PAX8: variants seen among roughly 807,000 people sequenced by gnomAD.
The protein encoded by PAX8 is paired box 8, also known as paired box protein Pax-8.
Under a neutral mutation model 52.4 loss-of-function variants are expected in PAX8, and 15 were observed. The observed-to-expected ratio is 0.29, with a 90% CI of 0.19 to 0.44. PAX8 has a LOEUF of 0.44. Ranked by LOEUF, PAX8 falls within the 20% of genes least tolerant of loss-of-function variation. PAX8 has a pLI of 1.00. For missense variants in PAX8, 554 were observed against 602.5 expected (o/e 0.92, Z 0.84); for synonymous variants, 284 against 249.7 (o/e 1.14, Z -1.29).
chr2:113,258,992 C>A (rs537866736), intron 2 of PAX8, among the ~76,000 whole-genome samples: 42 of 152,174 alleles, frequency 2.8e-4, no homozygotes, highest in African/African-American at 9.9e-4. Flanking sequence ...AAGCTGGAGA[C>A]CTTGGGAGCA....
rs200817352 is a variant in PAX8 at position 113,220,126 on chromosome 2, G to C, written c.1242C>G (p.Ser414Arg). The change falls in exon 11 of 12, where the codon AGC becomes AGG. Residue 414 changes from serine to arginine, a missense_variant. By Grantham distance (110) the Ser-to-Arg change is moderately radical (BLOSUM62 -1). This residue lies in a region of PAX8 where 445 missense variants were observed against 409.9 expected (regional missense o/e 1.09). Transcript: ENST00000429538. ...TGGAGTTGGGGAAGCGCCAGGCCTC[G>C]CTGTAGGAGGAGTAGGGGGTGTGGC... is the stretch of plus-strand genomic sequence containing the variant. Reference protein sequence around the residue: ...AYGHTPYSSYSEAWRFPNSSL... With the variant: ...AYGHTPYSSYREAWRFPNSSL... 2 of 1,613,916 alleles carry C rather than the reference G, an allele frequency of 1.2e-6. No homozygotes were observed. The highest frequency in any genetic ancestry group is 1.1e-5 in the South Asian group (1 of 91,060).
intron 2 of PAX8, among the ~76,000 whole-genome samples, chr2:113,256,740 A>G (rs1178867674): frequency 6.6e-6 from 1 of 151,910 alleles, no homozygotes; most frequent in African/African-American, 2.4e-5. Flanking sequence ...AGGTTCATGT[A>G]TTCATTTATT....
At position 113,216,049 on chromosome 2, in the gene PAX8, G is replaced by T. The variant is rs2104519412; in HGVS notation, c.*2484C>A. 2 of 221,338 alleles carry T rather than the reference G, an allele frequency of 9.0e-6. No individual in the cohort carries two copies. Among genetic ancestry groups the T allele is most frequent in the Admixed American group, 5.8e-5 (1 of 17,324 alleles). 13.7% of individuals were successfully genotyped at this position (221,338 alleles called of 1,614,324 possible). On this transcript the variant is annotated 3_prime_UTR_variant, in exon 12 of 12. Transcript: ENST00000429538. ...CCCTTTATTGGTTGTGAGTTGGAAA[G>T]GGTCTGCCGGGGGTACAGAGTGTCC...
At chr2:113,221,791 T>G (rs1689285043) in intron 10 of PAX8, among the ~76,000 whole-genome samples, 1 of 152,090 alleles carries the variant, frequency 6.6e-6, no homozygotes, top group African/African-American at 2.4e-5. Flanking sequence ...AGAAGAGAGA[T>G]GAAGAGGAGC....
intron 9 of PAX8, among the ~76,000 whole-genome samples, chr2:113,229,950 A>G (rs943489342): frequency 1.3e-5 from 2 of 152,154 alleles, no homozygotes; most frequent in Admixed American, 6.5e-5. Flanking sequence ...TGAGAGAGAG[A>G]GAAAGGGAAC....
intron 2 of PAX8, among the ~76,000 whole-genome samples, chr2:113,247,210 C>T (rs563335029): frequency 6.6e-6 from 1 of 152,340 alleles, no homozygotes; most frequent in Admixed American, 6.5e-5. Flanking sequence ...TCACAATCCC[C>T]TATTTTCTTC....
At chr2:113,250,514 A>T (rs185285526) in intron 2 of PAX8, among the ~76,000 whole-genome samples, 2 of 152,256 alleles carry the variant, frequency 1.3e-5, no homozygotes, top group Non-Finnish European at 2.9e-5. Context: ...TAAGTTTCTG[A>T]ATCAGTAGGT....
At chr2:113,268,785 A>C (rs1249427104) in intron 2 of PAX8, 7 of 152,438 alleles carry the variant, frequency 4.6e-5, no homozygotes, top group Non-Finnish European at 1.0e-4. Flanking sequence ...CTTTGCAGAC[A>C]TGGCATGGCC....
At chr2:113,271,015 G>C (rs1481421829) in intron 2 of PAX8, 1 of 152,198 alleles carries the variant, frequency 6.6e-6, no homozygotes, top group Non-Finnish European at 1.5e-5. Flanking sequence ...TTTCTTTCAA[G>C]CTAACGTTCT....
Position 113,244,550 on chromosome 2 carries a change from ACCACCTTGGGGGTGG to A in PAX8, c.251_265del (p.Ala84_Val88del). 6.2e-7 allele frequency: 1 copy of A among 1,614,032 alleles called. No individual in the cohort carries two copies. Among genetic ancestry groups the A allele is most frequent in the East Asian group, 2.2e-5 (1 of 44,872 alleles). ...GCGTTTGTAGTCCCCAATCTTCTCC[ACCACCTTGGGGGTGG>A]CCACCTTGGGCTTGGAGCCCCCTAT... On this transcript the variant is annotated inframe_deletion, in exon 4 of 12. Transcript: ENST00000429538.
intron 10 of PAX8, among the ~76,000 whole-genome samples, chr2:113,224,368 G>A (rs537960881): frequency 1.3e-5 from 2 of 152,144 alleles, no homozygotes; most frequent in African/African-American, 4.8e-5. Flanking sequence ...CCAACATGGT[G>A]AAACTCCGTC....
chr2:113,263,924 AAAG>A (rs1692870289), intron 2 of PAX8, among the ~76,000 whole-genome samples: 1 of 152,230 alleles, frequency 6.6e-6, no homozygotes, highest in Admixed American at 6.5e-5. Flanking sequence ...TAAAGCCAAG[AAAG>A]AAGAAGAAAA....
intron 7 of PAX8, chr2:113,237,699 T>A (rs1172059418): frequency 1.3e-5 from 2 of 152,162 alleles, no homozygotes; most frequent in Non-Finnish European, 2.9e-5. Context: ...TACCTCATCC[T>A]CACCATGGCC....
chr2:113,269,718 A>G (rs1693336902), intron 2 of PAX8: 1 of 152,246 alleles, frequency 6.6e-6, no homozygotes, highest in Non-Finnish European at 1.5e-5. Flanking sequence ...GAGAGAAGAA[A>G]GCAGAAGGTG....
In PAX8 at chr2:113,246,903, G is replaced by A. The variant is rs1044684868; in HGVS notation, c.42C>T (p.Asn14=). The A allele has an allele frequency of 1.9e-6, 3 of 1,613,814 alleles. No individual in the cohort carries two copies. In the African/African-American group the frequency reaches 4.0e-5, roughly 22 times the overall value. ...CATTCACAAAGGCCCCTCCCAGCTG[G>A]TTCAGCCCTCCATGGCCTAAGGAGA... ...NSIRSGHGGL[N]QLGGAFVNGR... Residue 14 remains asparagine, a synonymous_variant, in exon 3 of 12, where the codon AAC becomes AAT. Transcript: ENST00000429538.
At position 113,241,600 on chromosome 2, in the gene PAX8, T is replaced by C; in HGVS notation, c.728A>G (p.Gln243Arg). 6.2e-7 allele frequency: 1 copy of C among 1,613,310 alleles called. No homozygotes were observed. Among genetic ancestry groups the C allele is most frequent in the Non-Finnish European group, 8.5e-7 (1 of 1,179,920 alleles). ...LEPLECPFER[Q>R]HYPEAYASPS... is the part of the protein sequence containing the mutation. The stretch of plus-strand genomic sequence containing the variant: ...GGAGGCATAGGCCTCTGGGTAGTGC[T>C]GCCGCTCAAATGGGCACTCGAGCGG... The change falls in exon 7 of 12, where the codon CAG becomes CGG. Residue 243 changes from glutamine (Q) to arginine (R), a missense_variant. Gln to Arg is a conservative substitution (Grantham distance 43). This residue lies in a region of PAX8 where 445 missense variants were observed against 409.9 expected (regional missense o/e 1.09). Coordinates refer to ENST00000429538, the MANE Select transcript of PAX8 (RefSeq NM_003466.4).
rs1298200420 is a variant in PAX8 at position 113,235,422 on chromosome 2, C to T, written c.1059G>A (p.Gly353=). 1.3e-6 allele frequency: 2 copies of T among 1,598,814 alleles called. No individual in the cohort carries two copies. Among genetic ancestry groups the T allele is most frequent in the Non-Finnish European group, 1.7e-6 (2 of 1,172,760 alleles). Residue 353 remains glycine, a synonymous_variant, in exon 9 of 12, where the codon GGG becomes GGA. Coordinates refer to ENST00000429538, the MANE Select transcript of PAX8 (RefSeq NM_003466.4). ...AGAGGAGGGCCTGGCCCGTGAACTG[C>T]CCGTACACGGAGGCAGCATGGGGAA... ...NAFPHAASVY[G]QFTGQALLSG... is the part of the protein sequence containing the mutation.
At chr2:113,245,788 A>G (rs1691271486) in intron 3 of PAX8, among the ~76,000 whole-genome samples, 1 of 152,108 alleles carries the variant, frequency 6.6e-6, no homozygotes, top group Non-Finnish European at 1.5e-5. Flanking sequence ...GGACACCACA[A>G]CCCATCACAG....
chr2:113,226,923 T>C, intron 10 of PAX8: 4 of 1,433,122 alleles, frequency 2.8e-6, no homozygotes, highest in Non-Finnish European at 3.7e-6. Flanking sequence ...GAGGGTAATG[T>C]AGCAGGCCTG....
Sources: allele counts gnomAD v4.1 joint callset (sites outside exome capture counted in the v4.1 genomes callset), GRCh38; gene constraint gnomAD v4.1.1; regional missense constraint gnomAD v4.1.1; transcripts MANE v1.5; gene names NCBI Gene and HGNC (gene_info 2026-07-23, HGNC 2026-07-21).